The following TRHDE variants were observed in gnomAD, a reference collection of about 807,000 sequenced individuals.
TRHDE encodes the protein thyrotropin-releasing hormone-degrading ectoenzyme.
In TRHDE, 72 loss-of-function variants were observed where a neutral mutation model predicts 125.7. The observed-to-expected ratio is 0.57, with a 90% CI of 0.47 to 0.70. The LOEUF is 0.70. Ranked by LOEUF, TRHDE falls within the 30% of genes least tolerant of loss-of-function variation. The pLI, the probability that TRHDE is intolerant of heterozygous loss-of-function variation, is 0.00. For synonymous variants in TRHDE, 509 were observed against 509.1 expected, an observed-to-expected ratio of 1.00 and a Z score of 0.00; for missense variants, 1,110 against 1,327.1, an observed-to-expected ratio of 0.84 and a Z score of 2.54.
chr12:72,371,052 A>G (rs1298883853), intron 2 of TRHDE, among the ~76,000 whole-genome samples: 1 of 152,032 alleles, frequency 6.6e-6, no homozygotes, highest in East Asian at 1.9e-4. Context: ...GCCAATTCCC[A>G]CACATTTTAA....
chr12:72,459,472 G>T (rs557610104), intron 3 of TRHDE, among the ~76,000 whole-genome samples: 1 of 152,268 alleles, frequency 6.6e-6, no homozygotes, highest in African/African-American at 2.4e-5. Context: ...GTCAAGAACT[G>T]TTAGGAGTCT....
chr12:72,480,960 G>T (rs992042183), intron 5 of TRHDE, among the ~76,000 whole-genome samples: 5 of 151,860 alleles, frequency 3.3e-5, no homozygotes. Context: ...TGGTAAAAAC[G>T]TTATTCTCTT....
chr12:72,553,294 G>T (rs1017450695), intron 7 of TRHDE, among the ~76,000 whole-genome samples: 20 of 152,170 alleles, frequency 1.3e-4, no homozygotes, highest in Middle Eastern at 3.4e-3. Context: ...TCCAGGATTG[G>T]GATTTTTGCC....
chr12:72,367,994 C>T (rs922851404), intron 2 of TRHDE, among the ~76,000 whole-genome samples: 5 of 152,156 alleles, frequency 3.3e-5, no homozygotes, highest in Non-Finnish European at 7.3e-5. Context: ...AAGTCTTTAA[C>T]AGGTGCACTA....
intron 2 of TRHDE, among the ~76,000 whole-genome samples, chr12:72,362,875 A>T (rs1383337490): frequency 3.3e-5 from 5 of 152,020 alleles, no homozygotes; most frequent in Admixed American, 6.6e-5. Flanking sequence ...GGATAGTTGT[A>T]GATACGCGAC....
chr12:72,474,550 G>T (rs1876803026), intron 5 of TRHDE, among the ~76,000 whole-genome samples: 2 of 151,982 alleles, frequency 1.3e-5, no homozygotes, highest in African/African-American at 4.8e-5. Flanking sequence ...ATCTCGCTTG[G>T]CATGAAGTAC....
In TRHDE at chr12:72,571,694, G is replaced by A. The variant is rs1312621206; in HGVS notation, c.2131+3038G>A. Among the ~76,000 whole-genome samples, 7 of 152,000 alleles carry A rather than the reference G, an allele frequency of 4.6e-5. No homozygotes were observed. The East Asian group carries it at 1.4e-3, about 29-fold the overall frequency. On this transcript the variant is annotated intron_variant, in intron 10 of 18. Transcript: ENST00000261180. ...TAACGGTTCATGGAGAGGAATAAAT[G>A]TAATGCCAAATGTTAGGAAAGAAAA... is the stretch of plus-strand genomic sequence containing the variant.
intron 2 of TRHDE, among the ~76,000 whole-genome samples, chr12:72,297,848 T>C (rs1040358954): frequency 6.6e-6 from 1 of 152,144 alleles, no homozygotes; most frequent in East Asian, 1.9e-4. Flanking sequence ...GGATTACTTA[T>C]GCGGCAGACG....
At chr12:72,652,956 A>C (rs927938586) in intron 16 of TRHDE, 60 bp from the exon 17 acceptor site, 16 of 1,430,452 alleles carry the variant, frequency 1.1e-5, no homozygotes, top group Non-Finnish European at 1.4e-5. Context: ...AATTTTAGTA[A>C]GATTATAAAA....
chr12:72,274,623 G>A (rs1056902548), intron 1 of TRHDE: 2 of 152,218 alleles, frequency 1.3e-5, no homozygotes, highest in Non-Finnish European at 2.9e-5. Flanking sequence ...TTTTACAGGT[G>A]GGGAAATGGA....
chr12:72,649,618 A>T (rs1473528786), intron 15 of TRHDE, among the ~76,000 whole-genome samples: 1 of 152,162 alleles, frequency 6.6e-6, no homozygotes, highest in Non-Finnish European at 1.5e-5. Context: ...AGAATGGGAG[A>T]AAATATTTGC....
At chr12:72,447,890 A>G (rs1875377207) in intron 3 of TRHDE, among the ~76,000 whole-genome samples, 1 of 151,992 alleles carries the variant, frequency 6.6e-6, no homozygotes, top group Admixed American at 6.6e-5. Context: ...TTGGCACATT[A>G]CCTGAATGTT....
chr12:72,428,390 C>G (rs1205450094), intron 3 of TRHDE, among the ~76,000 whole-genome samples: 2 of 151,964 alleles, frequency 1.3e-5, no homozygotes, highest in Non-Finnish European at 2.9e-5. Flanking sequence ...ATATCTATGC[C>G]TATATCTGTG....
intron 15 of TRHDE, among the ~76,000 whole-genome samples, chr12:72,643,614 T>C (rs1451597765): frequency 2.0e-5 from 3 of 152,226 alleles, no homozygotes; most frequent in African/African-American, 7.2e-5. Flanking sequence ...GGGTGGTCTG[T>C]CTGTCATTTT....
At chr12:72,471,060 A>G (rs1217218037) in intron 4 of TRHDE, among the ~76,000 whole-genome samples, 2 of 151,718 alleles carry the variant, frequency 1.3e-5, no homozygotes, top group African/African-American at 4.8e-5. Context: ...TATTTTTAGT[A>G]GAGACGGGGT....
chr12:72,273,088 G>C lies in TRHDE; in HGVS notation c.445G>C (p.Gly149Arg). Residue 149 changes from glycine (G) to arginine (R), a missense_variant, in exon 1 of 19, where the codon GGG (glycine) becomes CGG (arginine). Gly to Arg is a moderately radical substitution (Grantham distance 125). Around this residue, in one of 5 missense-constraint regions of TRHDE, gnomAD observed 248 missense variants for 240.8 expected, o/e 1.03. Coordinates refer to ENST00000261180, the MANE Select transcript of TRHDE (RefSeq NM_013381.3). This position sits in a 1 kb window ranked among gnomAD's most constrained non-coding sequence, Gnocchi z 5.3. ...GGCCCGGCGCAACCACCACGCAGGC[G>C]GGGACTCCTGGCAGCCCGAGGCGGG... ...GSARRNHHAG[G>R]DSWQPEAGGV... 1 of 1,524,498 alleles carries C rather than the reference G, an allele frequency of 6.6e-7. No homozygotes were observed. Among genetic ancestry groups the C allele is most frequent in the East Asian group, 2.4e-5 (1 of 41,256 alleles). The allele number at this position is 1,524,498 out of a possible 1,614,324, so 94.4% of individuals were successfully genotyped here.
chr12:72,175,574 C>T (rs1035001425), intron 2 of TRHDE, among the ~76,000 whole-genome samples: 8 of 152,190 alleles, frequency 5.3e-5, no homozygotes, highest in African/African-American at 1.9e-4. Context: ...CTTGCCTTTC[C>T]CACATCCAAA....
intron 2 of TRHDE, among the ~76,000 whole-genome samples, chr12:72,222,459 T>G (rs1303780439): frequency 6.6e-6 from 1 of 152,122 alleles, no homozygotes; most frequent in Non-Finnish European, 1.5e-5. Context: ...AATGTTAGCA[T>G]GTGTCAGAAT....
intron 2 of TRHDE, among the ~76,000 whole-genome samples, chr12:72,372,397 G>C (rs887826791): frequency 6.6e-6 from 1 of 152,078 alleles, no homozygotes; most frequent in African/African-American, 2.4e-5. Context: ...AGTTTAATTA[G>C]ATCCCATTTG....
Sources: allele counts gnomAD v4.1 joint callset (sites outside exome capture counted in the v4.1 genomes callset), GRCh38; gene constraint gnomAD v4.1.1; regional missense constraint gnomAD v4.1.1; non-coding constraint Gnocchi (gnomAD v3.1); transcripts MANE v1.5; gene names NCBI Gene and HGNC (gene_info 2026-07-23, HGNC 2026-07-21).